Variants in CDH2 observed in about 807,000 individuals in gnomAD.
The protein encoded by CDH2 is cadherin-2.
In CDH2, 17 loss-of-function variants were observed where a neutral mutation model predicts 92.0. That is an observed-to-expected ratio of 0.18 (90% confidence interval 0.13 to 0.28). CDH2 has a LOEUF of 0.28. Among genes scored for constraint, CDH2 ranks in the 10% least tolerant of loss-of-function variants. The pLI is 1.00. For synonymous variants in CDH2, 419 were observed against 415.9 expected (o/e 1.01, Z -0.09); for missense variants, 862 against 1,133.1 (o/e 0.76, Z 3.44).
chr18:28,052,369 C>A (rs1183981763), intron 2 of CDH2, among the ~76,000 whole-genome samples: 1 of 152,080 alleles, frequency 6.6e-6, no homozygotes, highest in Non-Finnish European at 1.5e-5. Flanking sequence ...TATATTTAAG[C>A]CGTAGTAACA....
intron 15 of CDH2, among the ~76,000 whole-genome samples, 185 bp from the exon 16 acceptor site, chr18:27,952,544 CTT>C (rs1303528662): frequency 6.6e-6 from 1 of 152,096 alleles, no homozygotes; most frequent in Non-Finnish European, 1.5e-5. Flanking sequence ...CAAAAATTAA[CTT>C]ATATCTTTCC....
chr18:28,048,148 T>G (rs2014118336), intron 2 of CDH2, among the ~76,000 whole-genome samples: 1 of 152,174 alleles, frequency 6.6e-6, no homozygotes, highest in African/African-American at 2.4e-5. Flanking sequence ...ATTCCTGTAA[T>G]ATAAATATTA....
intron 2 of CDH2, among the ~76,000 whole-genome samples, chr18:28,116,225 G>T (rs1441266593): frequency 6.6e-6 from 1 of 151,942 alleles, no homozygotes; most frequent in Non-Finnish European, 1.5e-5. Context: ...TATTTTTTTT[G>T]AAATTTTACT....
chr18:27,947,691 G>A (rs1477988669), downstream of CDH2, among the ~76,000 whole-genome samples: 1 of 146,118 alleles, frequency 6.8e-6, no homozygotes, highest in East Asian at 2.0e-4. Flanking sequence ...TGATATAAGT[G>A]TATATGATGT....
chr18:27,967,744 T>G (rs577073725), intron 14 of CDH2, among the ~76,000 whole-genome samples: 6 of 152,032 alleles, frequency 3.9e-5, no homozygotes, highest in Non-Finnish European at 8.8e-5. Flanking sequence ...TAACTTAAAT[T>G]TTTTTTTGGT....
rs555601624 is a variant in CDH2 at position 28,096,107 on chromosome 18, A to G, written c.172+51566T>C. On this transcript the variant is annotated intron_variant, in intron 2 of 15. Transcript: ENST00000269141. Reference sequence around the variant, plus strand: ...ATCCAAGTGGAAACCCAACAGTATGAGGTGCTATTCCCTCAATACCACTGG... The same window carrying G: ...ATCCAAGTGGAAACCCAACAGTATGGGGTGCTATTCCCTCAATACCACTGG... Among the ~76,000 whole-genome samples the G allele has an allele frequency of 1.4e-3, 212 of 152,302 alleles. 1 individual carries two copies. The highest frequency in any genetic ancestry group is 5.0e-3 in the African/African-American group (208 of 41,560).
chr18:28,109,058 A>G (rs1452623945), intron 2 of CDH2, among the ~76,000 whole-genome samples: 2 of 152,122 alleles, frequency 1.3e-5, no homozygotes, highest in African/African-American at 2.4e-5. Context: ...CATCTGAACC[A>G]CAGCCACCAT....
intron 2 of CDH2, among the ~76,000 whole-genome samples, chr18:28,118,985 C>T (rs1351636933): frequency 1.3e-5 from 2 of 152,018 alleles, no homozygotes; most frequent in Non-Finnish European, 2.9e-5. Context: ...CCTGACATGT[C>T]CTATATACCA....
At position 28,044,238 on chromosome 18, in the gene CDH2, T is replaced by C. The variant is rs904170946; in HGVS notation, c.173-30329A>G. Among the ~76,000 whole-genome samples, 2 of 151,990 alleles carry C rather than the reference T, an allele frequency of 1.3e-5. 1 individual carries two copies. Among genetic ancestry groups the C allele is most frequent in the Admixed American group, 1.3e-4 (2 of 15,260 alleles). ...AGCCTCTTGGACATTTGAACAGAGG[T>C]AAATAAAGACAAGAACCAGTTGGCA... On this transcript the variant is annotated intron_variant, in intron 2 of 15. Coordinates refer to ENST00000269141, the MANE Select transcript of CDH2 (RefSeq NM_001792.5).
chr18:27,991,281 T>C (rs2012406533), intron 9 of CDH2, among the ~76,000 whole-genome samples: 2 of 152,204 alleles, frequency 1.3e-5, no homozygotes, highest in Non-Finnish European at 2.9e-5. Flanking sequence ...AGCCTAAGAA[T>C]GATCGAGAGG....
intron 2 of CDH2, among the ~76,000 whole-genome samples, chr18:28,123,403 C>T (rs1009353713): frequency 1.3e-5 from 2 of 152,112 alleles, no homozygotes; most frequent in Admixed American, 1.3e-4. Flanking sequence ...CATTTAGCAG[C>T]AATCATCTTA....
At chr18:28,005,407 C>T (rs1161523736) in intron 6 of CDH2, among the ~76,000 whole-genome samples, 1 of 152,200 alleles carries the variant, frequency 6.6e-6, no homozygotes, top group African/African-American at 2.4e-5. Context: ...ATGACTTCGC[C>T]ACCTAGTCCC....
Position 28,007,193 on chromosome 18 carries a change from T to TATATAC in CDH2, c.703-1201_703-1200insGTATAT, listed in dbSNP as rs778626652. Reference sequence around the variant, plus strand: ...ATATATATATATATATATATATATATACGAGTATATACGATAGCTGTTCCT... The same window carrying TATATAC: ...ATATATATATATATATATATATATATATATACACGAGTATATACGATAGCTGTTCCT... On this transcript the variant is annotated intron_variant, in intron 5 of 15. Coordinates refer to ENST00000269141, the MANE Select transcript of CDH2 (RefSeq NM_001792.5). Among the ~76,000 whole-genome samples, 628 of 142,082 alleles carry TATATAC rather than the reference T, an allele frequency of 4.4e-3. 4 individuals are homozygous for TATATAC. Among genetic ancestry groups the TATATAC allele is most frequent in the Admixed American group, 5.5e-3 (79 of 14,300 alleles). The allele number at this position is 142,082 out of a possible 152,430, so 93.2% of individuals were successfully genotyped here. A position where few individuals can be genotyped will look rare whatever the true frequency, so the allele number is the denominator to read the frequency against.
At position 28,076,395 on chromosome 18, in the gene CDH2, T is replaced by C. The variant is rs143840186; in HGVS notation, c.173-62486A>G. ...GAGACTTATATTCTAATCTGTTAGA[T>C]AGAGACTCACATCTGGGGGAAATAA... On this transcript the variant is annotated intron_variant, in intron 2 of 15. Coordinates refer to ENST00000269141, the MANE Select transcript of CDH2 (RefSeq NM_001792.5). Among the ~76,000 whole-genome samples, 1,327 of 152,290 alleles carry C rather than the reference T, an allele frequency of 8.7e-3. 7 individuals carry two copies. Among genetic ancestry groups the C allele is most frequent in the Middle Eastern group, 0.017 (5 of 294 alleles).
intron 1 of CDH2, among the ~76,000 whole-genome samples, chr18:28,162,805 C>T (rs528418367): frequency 6.6e-6 from 1 of 152,174 alleles, no homozygotes; most frequent in Non-Finnish European, 1.5e-5. Flanking sequence ...GTGGTTTCAG[C>T]CAATCTCTGT....
intron 2 of CDH2, among the ~76,000 whole-genome samples, chr18:28,120,899 T>C (rs1453953927): frequency 1.3e-5 from 2 of 152,154 alleles, no homozygotes; most frequent in Non-Finnish European, 2.9e-5. Context: ...GTTTCAGCCC[T>C]ACTCAAGAGA....
chr18:27,953,735 G>A (rs1398539492), intron 15 of CDH2, among the ~76,000 whole-genome samples: 1 of 152,076 alleles, frequency 6.6e-6, no homozygotes, highest in Non-Finnish European at 1.5e-5. Flanking sequence ...CTAGCTGTGG[G>A]ACCTCCGCTT....
chr18:28,074,552 T>C (rs934658725), intron 2 of CDH2, among the ~76,000 whole-genome samples: 3 of 152,100 alleles, frequency 2.0e-5, no homozygotes, highest in African/African-American at 7.2e-5. Context: ...GGACGGGTCT[T>C]TAGTTTTTTT....
chr18:27,998,174 T>C (rs2012648839), intron 7 of CDH2, among the ~76,000 whole-genome samples: 1 of 152,208 alleles, frequency 6.6e-6, no homozygotes, highest in Non-Finnish European at 1.5e-5. Flanking sequence ...AAAAGTACCA[T>C]CTACCTTATA....
Sources: gnomAD v4.1 joint callset for allele counts (sites outside exome capture counted in the v4.1 genomes callset) on GRCh38, gnomAD v4.1.1 for gene constraint, MANE v1.5 for transcripts, NCBI Gene and HGNC (gene_info 2026-07-23, HGNC 2026-07-21) for gene names.